Variants in RBFOX1 observed in about 807,000 individuals in gnomAD.
The protein encoded by RBFOX1 is RNA binding protein fox-1 homolog 1.
Under a neutral mutation model 57.7 loss-of-function variants are expected in RBFOX1, and 8 were observed. The observed-to-expected ratio is 0.14, with a 90% CI of 0.08 to 0.25. The LOEUF (loss-of-function observed/expected upper bound fraction) is 0.25, where lower values mean the gene tolerates loss of function less well. Among genes scored for constraint, RBFOX1 ranks in the 10% least tolerant of loss-of-function variants. RBFOX1 has a pLI of 1.00. For missense variants in RBFOX1, 611 were observed against 548.5 expected, an observed-to-expected ratio of 1.11 and a Z score of -1.14; for synonymous variants, 326 against 222.4, an observed-to-expected ratio of 1.47 and a Z score of -4.15.
chr16:6,628,759 C>T (rs1356607515), intron 2 of RBFOX1, among the ~76,000 whole-genome samples: 1 of 152,154 alleles, frequency 6.6e-6, no homozygotes, highest in Non-Finnish European at 1.5e-5. Flanking sequence ...TAACACGAAG[C>T]TCTGTGAAGA....
At chr16:6,355,305 C>T (rs1281247413) in intron 2 of RBFOX1, among the ~76,000 whole-genome samples, 1 of 151,714 alleles carries the variant, frequency 6.6e-6, no homozygotes. Context: ...CCCTAACAGG[C>T]CCCAATGTGT....
rs536330410 is a variant in RBFOX1, at chr16:7,078,208, T to C, written c.27+26110T>C. Among the ~76,000 whole-genome samples the C allele has an allele frequency of 8.9e-4, 136 of 152,308 alleles. 1 individual carries two copies. Among genetic ancestry groups the C allele is most frequent in the Non-Finnish European group, 1.6e-3 (106 of 68,026 alleles). ...AGAAGAAGGAGAAAGGAGCATTGAATAGGCAAACCAGCTGATGTCCACTAT... is the reference window on the plus strand; with the variant it reads ...AGAAGAAGGAGAAAGGAGCATTGAACAGGCAAACCAGCTGATGTCCACTAT... On this transcript the variant is annotated intron_variant, in intron 4 of 15. Coordinates refer to ENST00000550418, the MANE Select transcript of RBFOX1 (RefSeq NM_018723.4).
intron 3 of RBFOX1, among the ~76,000 whole-genome samples, chr16:6,990,875 T>G (rs571370201): frequency 1.5e-4 from 23 of 152,182 alleles, no homozygotes; most frequent in Non-Finnish European, 3.1e-4. Context: ...TTTTTTAAGA[T>G]AAGATAAGGC....
At chr16:7,457,186 C>G (rs1200402056) in intron 4 of RBFOX1, among the ~76,000 whole-genome samples, 1 of 152,048 alleles carries the variant, frequency 6.6e-6, no homozygotes, top group Non-Finnish European at 1.5e-5. Flanking sequence ...CGCGCCTGGC[C>G]TTGGGTATGC....
At chr16:6,447,025 A>T (rs528841158) in intron 2 of RBFOX1, among the ~76,000 whole-genome samples, 5 of 152,220 alleles carry the variant, frequency 3.3e-5, no homozygotes, top group African/African-American at 1.2e-4. Flanking sequence ...CATTTTAATG[A>T]AATCAAGTCT....
At chr16:7,120,218 C>A (rs1436108543) in intron 4 of RBFOX1, among the ~76,000 whole-genome samples, 1 of 151,970 alleles carries the variant, frequency 6.6e-6, no homozygotes, top group East Asian at 1.9e-4. Flanking sequence ...ATGCTAAGTG[C>A]TTCTATTAGA....
At chr16:5,693,564 C>T (rs2050759313) in intron 3 of RBFOX1, among the ~76,000 whole-genome samples, 2 of 152,062 alleles carry the variant, frequency 1.3e-5, no homozygotes, top group African/African-American at 2.4e-5. Context: ...TTCTTCCCTG[C>T]AGGTCAGGCC....
intron 1 of RBFOX1, among the ~76,000 whole-genome samples, chr16:5,414,232 G>C (rs2067099966): frequency 6.6e-6 from 1 of 152,144 alleles, no homozygotes; most frequent in Admixed American, 6.5e-5. Context: ...TTTTTCTCTT[G>C]GTGTGGAGGA....
intron 4 of RBFOX1, among the ~76,000 whole-genome samples, chr16:7,340,009 C>T (rs2096863303): frequency 6.6e-6 from 1 of 152,146 alleles, no homozygotes; most frequent in Admixed American, 6.6e-5. Flanking sequence ...ATTCTCTTCC[C>T]AACTATTCCA....
At chr16:7,005,153 A>C (rs1409081858) in intron 3 of RBFOX1, among the ~76,000 whole-genome samples, 1 of 151,754 alleles carries the variant, frequency 6.6e-6, no homozygotes, top group Non-Finnish European at 1.5e-5. Context: ...TCAAAAACAA[A>C]AAACGAAAAA....
At chr16:7,473,848 A>T (rs978499134) in intron 4 of RBFOX1, among the ~76,000 whole-genome samples, 2 of 152,160 alleles carry the variant, frequency 1.3e-5, no homozygotes, top group Non-Finnish European at 1.5e-5. Context: ...TTACAGGGAC[A>T]TTGATTCTAG....
chr16:6,693,179 A>G (rs1307021489), intron 3 of RBFOX1, among the ~76,000 whole-genome samples: 7 of 150,060 alleles, frequency 4.7e-5, no homozygotes, highest in Non-Finnish European at 1.0e-4. Flanking sequence ...CATCATCACC[A>G]TCATCCGCAT....
At chr16:5,859,966 G>A (rs2057168539) in intron 3 of RBFOX1, among the ~76,000 whole-genome samples, 1 of 152,312 alleles carries the variant, frequency 6.6e-6, no homozygotes, top group East Asian at 1.9e-4. Flanking sequence ...CCGTGGGACT[G>A]ATCCCAAAGC....
At chr16:7,417,376 GAAAAA>G (rs59413133) in intron 4 of RBFOX1, among the ~76,000 whole-genome samples, 19 of 134,682 alleles carry the variant, frequency 1.4e-4, no homozygotes, top group Non-Finnish European at 2.5e-4. Context: ...CTGTGTCAAA[GAAAAA>G]AAAAAAAAAG....
In RBFOX1 at chr16:7,453,382, C is replaced by T. The variant is rs148521442; in HGVS notation, c.28-64765C>T. ...TGAGCTAGGGAGGTGGAGAGTGGCC[C>T]AAGTCAGGTGGGGATAAGTAGGCAG... is the stretch of plus-strand genomic sequence containing the variant. On this transcript the variant is annotated intron_variant, in intron 4 of 15. Transcript: ENST00000550418. Among the ~76,000 whole-genome samples the T allele has an allele frequency of 1.7e-3, 258 of 152,058 alleles. 1 individual carries two copies. Among genetic ancestry groups the T allele is most frequent in the African/African-American group, 5.8e-3 (240 of 41,498 alleles).
intron 3 of RBFOX1, among the ~76,000 whole-genome samples, chr16:5,802,267 T>C (rs2055083141): frequency 6.6e-6 from 1 of 152,152 alleles, no homozygotes; most frequent in African/African-American, 2.4e-5. Context: ...AAAGTCCTTT[T>C]CTTCCTCTTC....
Position 6,777,662 on chromosome 16 carries a change from G to A in RBFOX1, c.-16+123012G>A, listed in dbSNP as rs559642873. Among the ~76,000 whole-genome samples, 45 of 152,196 alleles carry A rather than the reference G, an allele frequency of 3.0e-4. 2 individuals carry two copies. The South Asian group carries it at 9.3e-3, about 32-fold the overall frequency. Reference sequence around the variant, plus strand: ...AAAAATCCAGTTTCTTAGCCTGACAGTTTCTTAAATCTGTAGACCTTGATG... The same window carrying A: ...AAAAATCCAGTTTCTTAGCCTGACAATTTCTTAAATCTGTAGACCTTGATG... On this transcript the variant is annotated intron_variant, in intron 3 of 15. Transcript: ENST00000550418.
At chr16:6,102,224 C>T (rs1453200879) in intron 1 of RBFOX1, among the ~76,000 whole-genome samples, 1 of 149,838 alleles carries the variant, frequency 6.7e-6, no homozygotes, top group Admixed American at 6.7e-5. Context: ...TAGTGGAAAC[C>T]TCTAGTGACA....
intron 3 of RBFOX1, among the ~76,000 whole-genome samples, chr16:6,672,632 C>T (rs762507951): frequency 6.6e-6 from 1 of 152,128 alleles, no homozygotes; most frequent in Non-Finnish European, 1.5e-5. Flanking sequence ...TTCAGGTACA[C>T]ATGGATCCAG....
Sources: allele counts gnomAD v4.1 joint callset (sites outside exome capture counted in the v4.1 genomes callset), GRCh38; gene constraint gnomAD v4.1.1; transcripts MANE v1.5; gene names NCBI Gene and HGNC (gene_info 2026-07-23, HGNC 2026-07-21).